OR2L13: variants seen among roughly 807,000 people sequenced by gnomAD.
OR2L13 encodes the protein olfactory receptor family 2 subfamily L member 13.
Under a neutral mutation model 15.3 loss-of-function variants are expected in OR2L13, and 14 were observed. That is an observed-to-expected ratio of 0.91 (90% CI 0.60 to 1.43). The LOEUF (loss-of-function observed/expected upper bound fraction) is 1.43, where lower values mean the gene tolerates loss of function less well. OR2L13 is among the 40% of genes most tolerant of loss of function. The pLI, the probability that OR2L13 is intolerant of heterozygous loss-of-function variation, is 0.00. For synonymous variants in OR2L13, 152 were observed against 142.9 expected, an observed-to-expected ratio of 1.06 and a Z score of -0.45; for missense variants, 367 against 387.9, an observed-to-expected ratio of 0.95 and a Z score of 0.45.
the OR2L13 span, chr1:247,965,928 A>G: frequency 6.2e-7 from 1 of 1,611,230 alleles, no homozygotes; most frequent in East Asian, 2.2e-5. Flanking sequence ...TTCCAGCTCT[A>G]CTATCATTGG....
At chr1:248,018,081 G>C in the OR2L13 span, among the ~76,000 whole-genome samples, 1 of 150,440 alleles carries the variant, frequency 6.6e-6, no homozygotes, top group Non-Finnish European at 1.5e-5. Context: ...CGTGAACCCG[G>C]GAGGCGGAGC....
At chr1:247,955,239 G>T in the OR2L13 span, among the ~76,000 whole-genome samples, 2 of 152,038 alleles carry the variant, frequency 1.3e-5, no homozygotes, top group African/African-American at 4.8e-5. Flanking sequence ...GAGAACGATG[G>T]TTTCCAGCTT....
chr1:247,990,948 G>T, the OR2L13 span: 1 of 1,469,482 alleles, frequency 6.8e-7, no homozygotes, highest in Non-Finnish European at 9.5e-7. Context: ...TCTACCACAT[G>T]CACTCTGCAG....
chr1:248,084,281 C>T, the OR2L13 span: 4 of 1,611,820 alleles, frequency 2.5e-6, no homozygotes, highest in East Asian at 2.2e-5. Flanking sequence ...CTCCACCACC[C>T]AGTGTGGGGA....
the OR2L13 span, among the ~76,000 whole-genome samples, chr1:248,065,135 C>T: frequency 2.6e-5 from 4 of 152,200 alleles, no homozygotes; most frequent in Non-Finnish European, 5.9e-5. Flanking sequence ...GAATTCATTA[C>T]CTCACAGAGT....
chr1:247,998,904 A>G, the OR2L13 span, among the ~76,000 whole-genome samples: 1 of 152,154 alleles, frequency 6.6e-6, no homozygotes, highest in East Asian at 1.9e-4. Context: ...TTTTTGTGAG[A>G]AGCAAATGAG....
the OR2L13 span, among the ~76,000 whole-genome samples, chr1:248,048,923 C>CTTTT: frequency 7.6e-4 from 107 of 141,702 alleles, 2 homozygotes; most frequent in African/African-American, 2.6e-3. Flanking sequence ...TTCTCTCTCT[C>CTTTT]TTTTTTTTTT....
the OR2L13 span, chr1:248,038,350 C>G: frequency 6.2e-7 from 1 of 1,613,178 alleles, no homozygotes; most frequent in East Asian, 2.2e-5. Context: ...TTCGTATTCA[C>G]CCTCATTTTT....
the OR2L13 span, chr1:247,991,281 T>A: frequency 1.1e-6 from 1 of 891,648 alleles, no homozygotes. Context: ...AGGAAAATAT[T>A]ATTACATGCC....
At chr1:248,063,933 C>A in the OR2L13 span, among the ~76,000 whole-genome samples, 2 of 152,238 alleles carry the variant, frequency 1.3e-5, no homozygotes, top group East Asian at 1.9e-4. Context: ...CTGTCCAGCT[C>A]TTCTGTCACA....
the OR2L13 span, among the ~76,000 whole-genome samples, chr1:247,979,891 T>C: frequency 6.6e-6 from 1 of 150,540 alleles, no homozygotes; most frequent in Non-Finnish European, 1.5e-5. Context: ...GAAACAGTTG[T>C]GTTTGATTTT....
At chr1:248,085,418 T>TAAAAA in the OR2L13 span, among the ~76,000 whole-genome samples, 1 of 27,588 alleles carries the variant, frequency 3.6e-5, no homozygotes, top group Non-Finnish European at 1.5e-4. Flanking sequence ...TAAAATAAAA[T>TAAAAA]AATAAAATAA....
At chr1:248,066,153 TATC>T in the OR2L13 span, among the ~76,000 whole-genome samples, 1 of 152,256 alleles carries the variant, frequency 6.6e-6, no homozygotes, top group Non-Finnish European at 1.5e-5. Context: ...TTCTGCAACT[TATC>T]ATTCTTTGTC....
the OR2L13 span, among the ~76,000 whole-genome samples, chr1:247,985,109 T>A: frequency 6.6e-6 from 1 of 151,052 alleles, no homozygotes; most frequent in Non-Finnish European, 1.5e-5. Context: ...TTTTTTACTC[T>A]TTTTTTTAAT....
the OR2L13 span, chr1:248,035,575 T>A: frequency 2.2e-4 from 34 of 152,278 alleles, no homozygotes; most frequent in African/African-American, 7.9e-4. Context: ...GTGACAACAG[T>A]CCACAGGCTA....
At chr1:247,999,643 A>G in the OR2L13 span, among the ~76,000 whole-genome samples, 512 of 152,262 alleles carry the variant, frequency 3.4e-3, 4 homozygotes, top group African/African-American at 0.012. Flanking sequence ...GGAATCTCCT[A>G]TAGGATTCCA....
chr1:247,965,920 C>G, the OR2L13 span: 1 of 1,611,736 alleles, frequency 6.2e-7, no homozygotes, highest in Non-Finnish European at 8.5e-7. Flanking sequence ...CTGTGAAGTT[C>G]CAGCTCTACT....
the OR2L13 span, among the ~76,000 whole-genome samples, chr1:248,006,243 ATGTGTGTGTGTGTGTGTGTGTGTG>A: frequency 7.2e-6 from 1 of 139,628 alleles, no homozygotes; most frequent in South Asian, 2.5e-4. Flanking sequence ...ATTGCAAGAT[ATGTGTGTGTGTGTGTGTGTGTGTG>A]TGTGTGTGTG....
At chr1:248,043,976 G>A in the OR2L13 span, among the ~76,000 whole-genome samples, 1 of 152,096 alleles carries the variant, frequency 6.6e-6, no homozygotes, top group Non-Finnish European at 1.5e-5. Flanking sequence ...CGGGATATCT[G>A]GACACTCCCA....
Sources: gnomAD v4.1 joint callset for allele counts (sites outside exome capture counted in the v4.1 genomes callset) on GRCh38, gnomAD v4.1.1 for gene constraint, MANE v1.5 for transcripts, NCBI Gene and HGNC (gene_info 2026-07-23, HGNC 2026-07-21) for gene names.